LRRC3C: variants seen among roughly 807,000 people sequenced by gnomAD.
The protein encoded by LRRC3C is leucine-rich repeat-containing protein 3C.
A neutral mutation model predicts 14.8 loss-of-function variants in LRRC3C; 11 were observed. The ratio of observed to expected loss-of-function variants is 0.74; its 90% CI spans 0.47 to 1.23. LRRC3C has a LOEUF of 1.23. LRRC3C is among the 50% of genes most tolerant of loss of function. The probability of loss-of-function intolerance (pLI) is 0.00; values close to 1 mark genes in which losing one functional copy is unlikely to be tolerated. For missense variants in LRRC3C, 354 were observed against 361.8 expected (o/e 0.98, Z 0.18); for synonymous variants, 149 against 161.5 (o/e 0.92, Z 0.59).
At chr17:39,941,009 G>A (rs1403373833) in intron 2 of LRRC3C, among the ~76,000 whole-genome samples, 1 of 151,912 alleles carries the variant, frequency 6.6e-6, no homozygotes, top group Non-Finnish European at 1.5e-5. Flanking sequence ...CTCCCGAAGA[G>A]CTAGGATTAC....
At chr17:39,941,371 GGAA>G (rs997496430) in intron 2 of LRRC3C, 69 bp from the exon 3 acceptor site, 3 of 385,944 alleles carry the variant, frequency 7.8e-6, no homozygotes, top group Non-Finnish European at 4.6e-6. Flanking sequence ...AAAAAAAAAA[GGAA>G]GAAATTCTTA....
At chr17:39,932,585 G>T (rs1448803461) in intron 1 of LRRC3C, among the ~76,000 whole-genome samples, 1 of 136,092 alleles carries the variant, frequency 7.3e-6, no homozygotes, top group African/African-American at 2.8e-5. Context: ...AGCCGGGCAT[G>T]GTGGCATGTT....
Position 39,944,834 on chromosome 17 carries a change from C to T in LRRC3C, c.*100C>T. 1.9e-6 allele frequency: 2 copies of T among 1,068,030 alleles called. No homozygotes were observed. Among genetic ancestry groups the T allele is most frequent in the Non-Finnish European group, 2.7e-6 (2 of 746,982 alleles). The allele number at this position is 1,068,030 out of a possible 1,614,324, so 66.2% of individuals were successfully genotyped here. A position where few individuals can be genotyped will look rare whatever the true frequency, so the allele number is the denominator to read the frequency against. On this transcript the variant is annotated 3_prime_UTR_variant, in exon 4 of 4. Coordinates refer to ENST00000377924, the MANE Select transcript of LRRC3C (RefSeq NM_001195545.2). Reference sequence around the variant, plus strand: ...CCTCCTGTGCAGCTTCACCCCTGCCCCCAAGCCCATCCCACCCCTCCCTCC... The same window carrying T: ...CCTCCTGTGCAGCTTCACCCCTGCCTCCAAGCCCATCCCACCCCTCCCTCC...
chr17:39,930,367 T>C (rs1297384833), intron 1 of LRRC3C, among the ~76,000 whole-genome samples: 2 of 131,840 alleles, frequency 1.5e-5, no homozygotes, highest in Non-Finnish European at 3.2e-5. Flanking sequence ...AAAAGTCTTA[T>C]TTGGATCCTG....
intron 2 of LRRC3C, among the ~76,000 whole-genome samples, chr17:39,937,432 G>A (rs112982383): frequency 1.7e-4 from 26 of 152,210 alleles, no homozygotes; most frequent in African/African-American, 2.2e-4. Context: ...GTGAAACTCC[G>A]TCTCAAAAAA....
chr17:39,943,896 G>T, intron 3 of LRRC3C, 37 bp from the exon 4 acceptor site: 1 of 1,530,828 alleles, frequency 6.5e-7, no homozygotes, highest in South Asian at 1.2e-5. Flanking sequence ...CGATTCTCTT[G>T]ACTCACTCCT....
chr17:39,940,360 A>G (rs1978904604), intron 2 of LRRC3C, among the ~76,000 whole-genome samples: 1 of 152,176 alleles, frequency 6.6e-6, no homozygotes, highest in South Asian at 2.1e-4. Context: ...TGTGCTCACA[A>G]GAGCTCTGCA....
intron 2 of LRRC3C, 100 bp downstream of exon 2, chr17:39,935,994 G>A (rs1348594932): frequency 1.7e-5 from 10 of 593,292 alleles, no homozygotes; most frequent in Non-Finnish European, 2.1e-5. Context: ...GGACCTGGAG[G>A]TCTCCAACAT....
chr17:39,928,019 T>A (rs1011821733), intron 1 of LRRC3C: 1 of 315,590 alleles, frequency 3.2e-6, no homozygotes, highest in Admixed American at 6.5e-5. Context: ...GGCCCCAGAT[T>A]GGCTCCTCCA....
intron 3 of LRRC3C, among the ~76,000 whole-genome samples, chr17:39,942,951 G>A (rs1978977738): frequency 6.6e-6 from 1 of 152,206 alleles, no homozygotes; most frequent in Non-Finnish European, 1.5e-5. Flanking sequence ...GGAGTTCTGG[G>A]AAGCAGTTTC....
At chr17:39,931,920 G>A (rs1176751965) in intron 1 of LRRC3C, among the ~76,000 whole-genome samples, 1 of 151,926 alleles carries the variant, frequency 6.6e-6, no homozygotes, top group African/African-American at 2.4e-5. Flanking sequence ...CAAAGTGCTG[G>A]GATTACAGGC....
chr17:39,929,968 A>C (rs1431981695), intron 1 of LRRC3C, among the ~76,000 whole-genome samples: 1 of 152,188 alleles, frequency 6.6e-6, no homozygotes, highest in Non-Finnish European at 1.5e-5. Flanking sequence ...AATGAAGAAA[A>C]TTAGGACAAA....
intron 2 of LRRC3C, among the ~76,000 whole-genome samples, chr17:39,938,500 C>T (rs1202362659): frequency 6.9e-6 from 1 of 144,688 alleles, no homozygotes; most frequent in African/African-American, 2.6e-5. Flanking sequence ...AGTTTGAGAC[C>T]AGCCTAGGCA....
intron 2 of LRRC3C, among the ~76,000 whole-genome samples, chr17:39,940,338 G>T (rs1484867078): frequency 6.6e-6 from 1 of 152,180 alleles, no homozygotes; most frequent in Admixed American, 6.5e-5. Flanking sequence ...GGTCCCACAA[G>T]ACCTCATGCC....
chr17:39,938,216 C>G (rs951428278), intron 2 of LRRC3C, among the ~76,000 whole-genome samples: 2 of 152,134 alleles, frequency 1.3e-5, no homozygotes, highest in Non-Finnish European at 2.9e-5. Flanking sequence ...GCCTATATAC[C>G]AGTGTGCAGC....
At chr17:39,928,166 G>A (rs967517620) in intron 1 of LRRC3C, among the ~76,000 whole-genome samples, 18 of 152,230 alleles carry the variant, frequency 1.2e-4, no homozygotes, top group Admixed American at 3.3e-4. Flanking sequence ...GGCCCAGGCT[G>A]CCCCGGACCG....
chr17:39,935,146 T>G (rs775047351), intron 1 of LRRC3C, among the ~76,000 whole-genome samples: 3 of 152,202 alleles, frequency 2.0e-5, no homozygotes, highest in Non-Finnish European at 4.4e-5. Flanking sequence ...CCAGCTTCTA[T>G]TTAAGACGGA....
In LRRC3C at chr17:39,944,258, C is replaced by T. The variant is rs747858708; in HGVS notation, c.352C>T (p.Leu118Phe). 7.8e-6 allele frequency: 12 copies of T among 1,534,792 alleles called. No homozygotes were observed. The South Asian group carries it at 1.3e-4, about 17-fold the overall frequency. Residue 118 changes from leucine to phenylalanine, a missense_variant, in exon 4 of 4, where the codon CTC (leucine) becomes TTC (phenylalanine). By Grantham distance (22) the Leu-to-Phe change is conservative. Coordinates refer to ENST00000377924, the MANE Select transcript of LRRC3C (RefSeq NM_001195545.2). ...LDLSHNALAHLSGAAFQGLEG... is the reference protein window; with the variant it reads ...LDLSHNALAHFSGAAFQGLEG... ...TCTGTCCCATAATGCCCTTGCCCAC[C>T]TCTCAGGGGCGGCTTTCCAGGGCCT...
chr17:39,928,793 G>C (rs961136277), intron 1 of LRRC3C, among the ~76,000 whole-genome samples: 1 of 152,190 alleles, frequency 6.6e-6, no homozygotes, highest in Non-Finnish European at 1.5e-5. Context: ...CACTTTACTC[G>C]GACTACACCT....
Sources: gnomAD v4.1 joint callset for allele counts (sites outside exome capture counted in the v4.1 genomes callset) on GRCh38, gnomAD v4.1.1 for gene constraint, MANE v1.5 for transcripts, NCBI Gene and HGNC (gene_info 2026-07-23, HGNC 2026-07-21) for gene names.